Variants in SCAMP4 observed in about 807,000 individuals in gnomAD.
The protein encoded by SCAMP4 is secretory carrier membrane protein 4.
SCAMP4 carries 19 observed loss-of-function variants against 32.1 expected under a neutral mutation model. The ratio of observed to expected loss-of-function variants is 0.59; its 90% confidence interval spans 0.41 to 0.87. SCAMP4 has a LOEUF of 0.87. Among genes scored for constraint, SCAMP4 ranks in the 40% least tolerant of loss-of-function variants. SCAMP4 has a pLI of 0.00. For synonymous variants in SCAMP4, 152 were observed against 132.7 expected, an observed-to-expected ratio of 1.15 and a Z score of -1.00; for missense variants, 302 against 309.0, an observed-to-expected ratio of 0.98 and a Z score of 0.17.
intron 5 of SCAMP4, chr19:1,920,914 C>T (rs965814436): frequency 2.0e-6 from 2 of 985,274 alleles, no homozygotes; most frequent in African/African-American, 3.5e-5. Flanking sequence ...GCACGTGCGG[C>T]AGCAGCGACT....
At chr19:1,922,930 G>A (rs2013965544) in intron 5 of SCAMP4, 140 bp from the exon 6 acceptor site, 1 of 1,352,574 alleles carries the variant, frequency 7.4e-7, no homozygotes, top group Non-Finnish European at 9.5e-7. Context: ...ATGTTTGTTG[G>A]CCACTTGGTC....
chr19:1,924,519 A>G lies in SCAMP4; in HGVS notation c.*235A>G. ...CAGCAGCCCTTGGCCTCTGCCGTCC[A>G]CAGGACGCCCTCTTGCTCCCGGAAA... On this transcript the variant is annotated 3_prime_UTR_variant, in exon 7 of 7. Transcript: ENST00000316097. The G allele has an allele frequency of 1.8e-6, 1 of 558,698 alleles. No individual in the cohort carries two copies. The highest frequency in any genetic ancestry group is 3.2e-6 in the Non-Finnish European group (1 of 308,554). 34.6% of individuals were successfully genotyped at this position (558,698 alleles called of 1,614,324 possible). A position where few individuals can be genotyped will look rare whatever the true frequency, so the allele number is the denominator to read the frequency against.
chr19:1,921,832 G>T, intron 5 of SCAMP4: 1 of 985,260 alleles, frequency 1.0e-6, no homozygotes, highest in Non-Finnish European at 1.2e-6. Flanking sequence ...AAAAAAAAGA[G>T]GAAGGAATGA....
In SCAMP4 at chr19:1,913,032, C is replaced by G. The variant is rs2013576506; in HGVS notation, c.-41-1947C>G. The G allele has an allele frequency of 1.2e-6, 2 of 1,604,210 alleles. No individual in the cohort carries two copies. The highest frequency in any genetic ancestry group is 1.1e-5 in the South Asian group (1 of 90,990). On this transcript the variant is annotated intron_variant, in intron 1 of 6. Coordinates refer to ENST00000316097, the MANE Select transcript of SCAMP4 (RefSeq NM_079834.4). ...GCGCGTCTTCTACGGTGCGCCCTCG[C>G]CCGACGGCGCCCTGGGCACCCGCTT...
At chr19:1,924,017 C>T in intron 6 of SCAMP4, 91 bp from the exon 7 acceptor site, 1 of 913,858 alleles carries the variant, frequency 1.1e-6, no homozygotes, top group Non-Finnish European at 1.6e-6. Flanking sequence ...GCCTCGGCCT[C>T]CCGAAGTGCT....
Position 1,908,645 on chromosome 19 carries a change from T to G in SCAMP4, c.-42+3206T>G. 1 of 450,316 alleles carries G rather than the reference T, an allele frequency of 2.2e-6. No homozygotes were observed. The allele number at this position is 450,316 out of a possible 1,614,324, so 27.9% of individuals were successfully genotyped here. On this transcript the variant is annotated intron_variant, in intron 1 of 6. Transcript: ENST00000316097. The surrounding 1 kb of genome is among the most constrained non-coding windows in gnomAD (Gnocchi z 4.2). ...AACTGTGAGCACACAGGTAGTAAGG[T>G]TTTTAGGATTTTATTATTATTTATT... is the stretch of plus-strand genomic sequence containing the variant.
chr19:1,905,609 G>A (rs1473467708), intron 1 of SCAMP4, 170 bp downstream of exon 1: 3 of 165,600 alleles, frequency 1.8e-5, no homozygotes, highest in African/African-American at 7.3e-5. Flanking sequence ...GGTGGGCGAC[G>A]CGGGGAGGCG....
At chr19:1,920,031 T>C (rs2013869594) in intron 5 of SCAMP4, 1 of 518,252 alleles carries the variant, frequency 1.9e-6, no homozygotes. Context: ...CAGGCTGGTC[T>C]GAAACTCCTA....
intron 1 of SCAMP4, among the ~76,000 whole-genome samples, chr19:1,909,200 G>A (rs2013303932): frequency 6.6e-6 from 1 of 152,140 alleles, no homozygotes; most frequent in Admixed American, 6.5e-5. Context: ...GCAGGTGGGG[G>A]AAGGCTGGCC....
At chr19:1,913,185 C>A (rs764783105) in intron 1 of SCAMP4, 16 of 1,477,364 alleles carry the variant, frequency 1.1e-5, no homozygotes, top group Non-Finnish European at 1.4e-5. Flanking sequence ...CCTTCCCGCT[C>A]CCGGCCGTGG....
rs1336763005 is a variant in SCAMP4, at chr19:1,925,713, C to G, written c.*1429C>G. On this transcript the variant is annotated 3_prime_UTR_variant, in exon 7 of 7. Coordinates refer to ENST00000316097, the MANE Select transcript of SCAMP4 (RefSeq NM_079834.4). Reference sequence around the variant, plus strand: ...CCCAGGATGTGAGCCAGTCCCCTCGCTGGTACGGAATGCCGCTGGGTGCCC... The same window carrying G: ...CCCAGGATGTGAGCCAGTCCCCTCGGTGGTACGGAATGCCGCTGGGTGCCC... The G allele has an allele frequency of 1.3e-5, 2 of 152,704 alleles. No individual in the cohort carries two copies. The highest frequency in any genetic ancestry group is 4.8e-5 in the African/African-American group (2 of 41,384). The allele number at this position is 152,704 out of a possible 1,614,324, so 9.5% of individuals were successfully genotyped here.
chr19:1,919,199 G>A (rs1568772389), intron 5 of SCAMP4: 4 of 1,413,866 alleles, frequency 2.8e-6, no homozygotes, highest in Non-Finnish European at 2.8e-6. Flanking sequence ...CGCGATTGTA[G>A]GCACTCTCCT....
intron 1 of SCAMP4, chr19:1,912,498 A>G: frequency 6.7e-7 from 1 of 1,496,778 alleles, no homozygotes. Flanking sequence ...GCCGCCTCTG[A>G]CCAGGGGCCA....
At chr19:1,912,414 G>C (rs748161075) in intron 1 of SCAMP4, 1 of 1,513,592 alleles carries the variant, frequency 6.6e-7, no homozygotes, top group South Asian at 1.2e-5. Context: ...GCGCTCGCTG[G>C]CTGAGCTCCT....
At chr19:1,918,040 A>G (rs2013791226) in intron 3 of SCAMP4, 87 bp from the exon 4 acceptor site, 1 of 1,506,142 alleles carries the variant, frequency 6.6e-7, no homozygotes, top group Non-Finnish European at 9.0e-7. Context: ...GGGGAGGCGG[A>G]CAGCGGGTGC....
chr19:1,915,192 C>T (rs1261553663), intron 2 of SCAMP4, among the ~76,000 whole-genome samples, 166 bp downstream of exon 2: 1 of 152,226 alleles, frequency 6.6e-6, no homozygotes, highest in Admixed American at 6.5e-5. Flanking sequence ...AGTCACGCCT[C>T]TGCTGGGGGC....
At chr19:1,919,318 T>C in intron 5 of SCAMP4, 1 of 1,188,168 alleles carries the variant, frequency 8.4e-7, no homozygotes, top group Non-Finnish European at 1.1e-6. Flanking sequence ...TGGGAGCCAG[T>C]TCCTGGCTGC....
At chr19:1,920,044 C>T (rs1490283378) in intron 5 of SCAMP4, 1 of 624,956 alleles carries the variant, frequency 1.6e-6, no homozygotes, top group Admixed American at 6.3e-5. Flanking sequence ...AACTCCTAAC[C>T]TCGTGATCCA....
chr19:1,915,302 T>G, intron 2 of SCAMP4: 1 of 554,526 alleles, frequency 1.8e-6, no homozygotes, highest in Non-Finnish European at 3.2e-6. Flanking sequence ...TCTTTCCTTA[T>G]AGCAGCGGGC....
Sources: gnomAD v4.1 joint callset for allele counts (sites outside exome capture counted in the v4.1 genomes callset) on GRCh38, gnomAD v4.1.1 for gene constraint, Gnocchi (gnomAD v3.1) non-coding constraint, MANE v1.5 for transcripts, NCBI Gene and HGNC (gene_info 2026-07-23, HGNC 2026-07-21) for gene names.